SGCD: variants seen among roughly 807,000 people sequenced by gnomAD.
SGCD encodes delta-sarcoglycan.
In SGCD, 18 loss-of-function variants were observed where a neutral mutation model predicts 36.6. That is an observed-to-expected ratio of 0.49 (90% CI 0.34 to 0.73). The LOEUF is 0.73. Ranked by LOEUF, SGCD falls within the 30% of genes least tolerant of loss-of-function variation. The probability of loss-of-function intolerance (pLI) is 0.01; values close to 1 mark genes in which losing one functional copy is unlikely to be tolerated. For synonymous variants in SGCD, 133 were observed against 130.6 expected, an observed-to-expected ratio of 1.02 and a Z score of -0.12; for missense variants, 387 against 346.7, an observed-to-expected ratio of 1.12 and a Z score of -0.92.
chr5:156,413,008 A>G (rs1772852683), intron 3 of SGCD, among the ~76,000 whole-genome samples: 1 of 151,806 alleles, frequency 6.6e-6, no homozygotes. Context: ...CTTGTTAGCC[A>G]GGATGGTCTC....
chr5:156,055,886 T>C (rs1033208628), intron 1 of SGCD, among the ~76,000 whole-genome samples: 2 of 146,048 alleles, frequency 1.4e-5, no homozygotes, highest in Non-Finnish European at 3.1e-5. Flanking sequence ...CTTAGTGGAA[T>C]AAAAAACAGA....
the SGCD span, among the ~76,000 whole-genome samples, chr5:155,729,017 C>T: frequency 1.3e-5 from 2 of 152,254 alleles, no homozygotes; most frequent in African/African-American, 4.8e-5. Context: ...TGGAGGCCCC[C>T]TTTACCCCCA....
chr5:155,861,493 G>A, the SGCD span, among the ~76,000 whole-genome samples: 1 of 151,658 alleles, frequency 6.6e-6, no homozygotes. Context: ...ACAAGGTCAC[G>A]GTACTAAAAA....
intron 1 of SGCD, among the ~76,000 whole-genome samples, chr5:155,960,517 G>A (rs1757771721): frequency 6.6e-6 from 1 of 151,990 alleles, no homozygotes; most frequent in African/African-American, 2.4e-5. Context: ...AACAGTAGAA[G>A]CCTAAACACA....
At chr5:156,283,273 G>T (rs953141583) in intron 3 of SGCD, among the ~76,000 whole-genome samples, 2 of 152,244 alleles carry the variant, frequency 1.3e-5, no homozygotes, top group Admixed American at 6.5e-5. Flanking sequence ...TTCATAAATT[G>T]CACTTGGAAA....
At chr5:156,485,347 GA>G (rs1755610708) in intron 3 of SGCD, among the ~76,000 whole-genome samples, 1 of 152,148 alleles carries the variant, frequency 6.6e-6, no homozygotes, top group Non-Finnish European at 1.5e-5. Context: ...GTGGAAAAAG[GA>G]AATGCTAGAG....
chr5:156,078,860 G>A (rs1442319118), intron 1 of SGCD, among the ~76,000 whole-genome samples: 2 of 150,850 alleles, frequency 1.3e-5, no homozygotes, highest in East Asian at 1.9e-4. Flanking sequence ...GTGTGTATAT[G>A]TTAAGTTCTA....
chr5:156,639,371 C>G (rs1284120234), intron 6 of SGCD, among the ~76,000 whole-genome samples: 2 of 152,154 alleles, frequency 1.3e-5, no homozygotes, highest in Admixed American at 1.3e-4. Flanking sequence ...TCACATGTGT[C>G]AAAATTCCCA....
At chr5:156,374,645 A>G (rs965057997) in intron 3 of SGCD, among the ~76,000 whole-genome samples, 6 of 150,330 alleles carry the variant, frequency 4.0e-5, no homozygotes, top group African/African-American at 9.8e-5. Context: ...TGAATAAACA[A>G]TACAAAGCAA....
rs1764942419 is a variant in SGCD, at chr5:156,229,277, C to CATACATATATATATAT, written c.-43-100254_-43-100253insCATATATATATATATA. ...ACATACATACATATATATATACATA[C>CATACATATATATATAT]ATATATATATATATATATATATAAA... is the stretch of plus-strand genomic sequence containing the variant. On this transcript the variant is annotated intron_variant, in intron 3 of 9. Coordinates refer to the SGCD transcript ENST00000517913. 2.3e-4 allele frequency among the ~76,000 whole-genome samples: 13 copies of CATACATATATATATAT among 56,470 alleles called. 1 individual carries two copies. The highest frequency in any genetic ancestry group is 9.1e-4 in the East Asian group (3 of 3,288). The allele number at this position is 56,470 out of a possible 152,430, so 37.0% of individuals were successfully genotyped here.
At chr5:156,206,809 C>T (rs895151618) in intron 3 of SGCD, among the ~76,000 whole-genome samples, 1 of 151,622 alleles carries the variant, frequency 6.6e-6, no homozygotes. Flanking sequence ...TAGAATATAT[C>T]CAAAAGAAAC....
chr5:156,689,561 A>G (rs955764974), intron 7 of SGCD, among the ~76,000 whole-genome samples: 1 of 152,206 alleles, frequency 6.6e-6, no homozygotes, highest in Non-Finnish European at 1.5e-5. Context: ...ATCTCCAAGG[A>G]AAGGGAAGTA....
chr5:156,288,793 G>T (rs12658724), intron 3 of SGCD, among the ~76,000 whole-genome samples: 24,308 of 152,054 alleles, frequency 0.16, 2,141 homozygotes, highest in Admixed American at 0.21. Flanking sequence ...CTAACTGTAA[G>T]AATGTTACTG....
At chr5:156,504,828 AAAG>A (rs961112609) in intron 3 of SGCD, among the ~76,000 whole-genome samples, 1 of 152,234 alleles carries the variant, frequency 6.6e-6, no homozygotes, top group African/African-American at 2.4e-5. Context: ...TAGTGTAAGA[AAAG>A]AAGGAGTTGT....
intron 6 of SGCD, among the ~76,000 whole-genome samples, chr5:156,619,071 G>C (rs1285687269): frequency 6.6e-6 from 1 of 151,188 alleles, no homozygotes; most frequent in Admixed American, 6.6e-5. Flanking sequence ...TGTTGCCCAG[G>C]CTGGAGTGCA....
At chr5:156,400,091 A>G (rs1472886377) in intron 3 of SGCD, among the ~76,000 whole-genome samples, 1 of 152,084 alleles carries the variant, frequency 6.6e-6, no homozygotes, top group East Asian at 1.9e-4. Context: ...GCCTTTCTGA[A>G]CCACTCCTGT....
At chr5:156,498,262 C>CAAAAAAA (rs34586524) in intron 3 of SGCD, among the ~76,000 whole-genome samples, 2 of 102,908 alleles carry the variant, frequency 1.9e-5, no homozygotes, top group African/African-American at 6.7e-5. Context: ...ATTTCTCTTA[C>CAAAAAAA]AAAAAAAAAA....
At chr5:155,764,880 A>G in the SGCD span, among the ~76,000 whole-genome samples, 2 of 152,192 alleles carry the variant, frequency 1.3e-5, no homozygotes, top group African/African-American at 4.8e-5. Context: ...ATAAATACCT[A>G]GAATTACTAT....
At chr5:156,635,029 C>A (rs1002787243) in intron 6 of SGCD, among the ~76,000 whole-genome samples, 3 of 151,520 alleles carry the variant, frequency 2.0e-5, no homozygotes, top group Non-Finnish European at 4.4e-5. Context: ...TCAAGACCAG[C>A]CTGGGCAACA....
Sources: allele counts gnomAD v4.1 joint callset (sites outside exome capture counted in the v4.1 genomes callset), GRCh38; gene constraint gnomAD v4.1.1; transcripts MANE v1.5; gene names NCBI Gene and HGNC (gene_info 2026-07-23, HGNC 2026-07-21).